The following TNFRSF11A variants were observed in gnomAD, a reference collection of about 807,000 sequenced individuals.
The protein encoded by TNFRSF11A is TNF receptor superfamily member 11a, also known as tumor necrosis factor receptor superfamily member 11A.
TNFRSF11A carries 32 observed loss-of-function variants against 55.7 expected under a neutral mutation model. The ratio of observed to expected loss-of-function variants is 0.57; its 90% CI spans 0.43 to 0.77. TNFRSF11A has a LOEUF of 0.77. Among genes scored for constraint, TNFRSF11A ranks in the 30% least tolerant of loss-of-function variants. TNFRSF11A has a pLI of 0.00. For synonymous variants in TNFRSF11A, 311 were observed against 331.0 expected (o/e 0.94, Z 0.65); for missense variants, 753 against 809.8 (o/e 0.93, Z 0.85).
At chr18:62,361,407 A>G (rs1909670751) in intron 6 of TNFRSF11A, among the ~76,000 whole-genome samples, 2 of 152,132 alleles carry the variant, frequency 1.3e-5, no homozygotes. Context: ...GGTGAGCATG[A>G]TGAGAGCTGT....
In TNFRSF11A at chr18:62,325,589, G is replaced by A. The variant is rs1419625900; in HGVS notation, c.75+162G>A. Among the ~76,000 whole-genome samples, 1 of 151,994 alleles carries A rather than the reference G, an allele frequency of 6.6e-6. No individual in the cohort carries two copies. Among genetic ancestry groups the A allele is most frequent in the African/African-American group, 2.4e-5 (1 of 41,430 alleles). On this transcript the variant is annotated intron_variant, in intron 1 of 9. Transcript: ENST00000586569. The surrounding 1 kb of genome is among the most constrained non-coding windows in gnomAD (Gnocchi z 4.7). ...AAGCTGGGGAGGCGCTTCCAGAGTT[G>A]GACGGCGGAGGGCGGGAAAGGGCAA...
chr18:62,390,796 T>C lies in TNFRSF11A; in HGVS notation c.*5762T>C, dbSNP rs193262627. On this transcript the variant is annotated 3_prime_UTR_variant, in exon 10 of 10. Coordinates refer to ENST00000586569, the MANE Select transcript of TNFRSF11A (RefSeq NM_003839.4). ...CCATTAAAATGAATGTTTAAAGTTC[T>C]TAGAAGAGCTTTCTCTAAATATTTA... 6.6e-6 allele frequency: 1 copy of C among 152,338 alleles called. No individual in the cohort carries two copies. The highest frequency in any genetic ancestry group is 1.5e-5 in the Non-Finnish European group (1 of 68,030). 9.4% of individuals were successfully genotyped at this position (152,338 alleles called of 1,614,324 possible). A position where few individuals can be genotyped will look rare whatever the true frequency, so the allele number is the denominator to read the frequency against.
chr18:62,340,475 G>A (rs114921485), intron 1 of TNFRSF11A, among the ~76,000 whole-genome samples: 8 of 150,694 alleles, frequency 5.3e-5, no homozygotes, highest in East Asian at 2.0e-4. Context: ...GGTTACAGGC[G>A]TGAGTCACTG....
At chr18:62,372,903 A>G (rs1910646595) in intron 9 of TNFRSF11A, 1 of 152,206 alleles carries the variant, frequency 6.6e-6, no homozygotes, top group Non-Finnish European at 1.5e-5. Flanking sequence ...TTGTTTTTCA[A>G]TTAATTTATT....
chr18:62,391,195 G>A lies in TNFRSF11A; in HGVS notation c.*6161G>A, dbSNP rs189640877. ...ACCAGTAGTTCCATTTTTTTTCTGA[G>A]TAGTAGTCCATTGTATGGATGTACT... On this transcript the variant is annotated 3_prime_UTR_variant, in exon 10 of 10. Transcript: ENST00000586569. 6.6e-6 allele frequency: 1 copy of A among 152,230 alleles called. No homozygotes were observed. Among genetic ancestry groups the A allele is most frequent in the East Asian group, 1.9e-4 (1 of 5,184 alleles). 9.4% of individuals were successfully genotyped at this position (152,230 alleles called of 1,614,324 possible).
At chr18:62,367,985 G>C (rs1272754434) in intron 8 of TNFRSF11A, among the ~76,000 whole-genome samples, 8 of 151,610 alleles carry the variant, frequency 5.3e-5, no homozygotes, top group Non-Finnish European at 8.8e-5. Flanking sequence ...GTAGAGACAG[G>C]GTTTCACTGT....
In TNFRSF11A at chr18:62,349,869, G is replaced by A; in HGVS notation, c.215G>A (p.Gly72Asp). The change falls in exon 3 of 10, where the codon GGC becomes GAC. Residue 72 changes from glycine (G) to aspartate (D), a missense_variant. This residue lies in a region of TNFRSF11A where 156 missense variants were observed against 155.1 expected (regional missense o/e 1.01). Coordinates refer to ENST00000586569, the MANE Select transcript of TNFRSF11A (RefSeq NM_003839.4). Reference sequence around the variant, plus strand: ...TCTGACAGTGTATGTCTGCCCTGTGGCCCGGATGAATACTTGGATAGCTGG... The same window carrying A: ...TCTGACAGTGTATGTCTGCCCTGTGACCCGGATGAATACTTGGATAGCTGG... ...TTSDSVCLPCGPDEYLDSWNE... is the reference protein window; with the variant it reads ...TTSDSVCLPCDPDEYLDSWNE... The A allele has an allele frequency of 6.2e-7, 1 of 1,614,114 alleles. No individual in the cohort carries two copies. The highest frequency in any genetic ancestry group is 1.1e-5 in the South Asian group (1 of 91,078).
At chr18:62,340,127 G>A (rs1433371322) in intron 1 of TNFRSF11A, among the ~76,000 whole-genome samples, 2 of 151,942 alleles carry the variant, frequency 1.3e-5, no homozygotes, top group Non-Finnish European at 2.9e-5. Flanking sequence ...AGGAGGTCGA[G>A]GCTACAGTGA....
chr18:62,355,130 C>T (rs1019992884), intron 4 of TNFRSF11A, among the ~76,000 whole-genome samples: 1 of 152,136 alleles, frequency 6.6e-6, no homozygotes, highest in African/African-American at 2.4e-5. Context: ...GTTACTTTCT[C>T]TCCTTTTGTT....
chr18:62,346,125 A>G (rs1276283282), intron 1 of TNFRSF11A, among the ~76,000 whole-genome samples: 1 of 152,156 alleles, frequency 6.6e-6, no homozygotes, highest in Non-Finnish European at 1.5e-5. Flanking sequence ...TGTAGAACAC[A>G]AAGTATGTGC....
intron 1 of TNFRSF11A, among the ~76,000 whole-genome samples, chr18:62,334,574 T>A (rs1372608600): frequency 1.3e-5 from 2 of 152,208 alleles, no homozygotes; most frequent in African/African-American, 4.8e-5. Context: ...GGTAGTTATA[T>A]TTTTAAAGGT....
chr18:62,375,669 A>T (rs1910842521), intron 9 of TNFRSF11A, among the ~76,000 whole-genome samples: 1 of 152,156 alleles, frequency 6.6e-6, no homozygotes, highest in African/African-American at 2.4e-5. Flanking sequence ...CTCGCCCAGG[A>T]TCATACAGCT....
chr18:62,357,729 AT>A (rs1378259469), intron 4 of TNFRSF11A, among the ~76,000 whole-genome samples: 2 of 152,114 alleles, frequency 1.3e-5, no homozygotes, highest in Non-Finnish European at 2.9e-5. Flanking sequence ...TGACACTCTG[AT>A]ATTTGGACTG....
intron 1 of TNFRSF11A, among the ~76,000 whole-genome samples, chr18:62,327,662 C>T (rs749129211): frequency 1.2e-4 from 18 of 152,204 alleles, no homozygotes; most frequent in Non-Finnish European, 1.5e-5. Flanking sequence ...CCAGGCAAGA[C>T]TTCAGGAACT....
chr18:62,366,156 C>T (rs1240344873), intron 7 of TNFRSF11A, among the ~76,000 whole-genome samples: 1 of 152,186 alleles, frequency 6.6e-6, no homozygotes, highest in Non-Finnish European at 1.5e-5. Flanking sequence ...CTTTTAAATG[C>T]TTTCACTCCC....
At chr18:62,344,734 A>G (rs2046357555) in intron 1 of TNFRSF11A, among the ~76,000 whole-genome samples, 1 of 152,236 alleles carries the variant, frequency 6.6e-6, no homozygotes, top group Non-Finnish European at 1.5e-5. Context: ...GCTGGCTGGC[A>G]GGGCAGTTAA....
intron 1 of TNFRSF11A, among the ~76,000 whole-genome samples, chr18:62,333,301 T>A (rs2046182580): frequency 6.6e-6 from 1 of 152,150 alleles, no homozygotes; most frequent in Non-Finnish European, 1.5e-5. Context: ...ATGCACCTTC[T>A]TATGCCCCCC....
At chr18:62,339,178 T>C (rs1413048982) in intron 1 of TNFRSF11A, among the ~76,000 whole-genome samples, 1 of 152,180 alleles carries the variant, frequency 6.6e-6, no homozygotes, top group African/African-American at 2.4e-5. Flanking sequence ...ACTGACTAGC[T>C]GCCCTTTCCT....
intron 2 of TNFRSF11A, among the ~76,000 whole-genome samples, chr18:62,348,855 T>C (rs2046423029): frequency 6.6e-6 from 1 of 152,208 alleles, no homozygotes; most frequent in Non-Finnish European, 1.5e-5. Flanking sequence ...TATAACAAGA[T>C]ATTTTGGATA....
Sources: allele counts gnomAD v4.1 joint callset (sites outside exome capture counted in the v4.1 genomes callset), GRCh38; gene constraint gnomAD v4.1.1; regional missense constraint gnomAD v4.1.1; non-coding constraint Gnocchi (gnomAD v3.1); transcripts MANE v1.5; gene names NCBI Gene and HGNC (gene_info 2026-07-23, HGNC 2026-07-21).